ARHGEF28: variants seen among roughly 807,000 people sequenced by gnomAD.
ARHGEF28 encodes the protein Rho guanine nucleotide exchange factor 28.
In ARHGEF28, 152 loss-of-function variants were observed where a neutral mutation model predicts 206.6. The observed-to-expected ratio is 0.74, with a 90% CI of 0.64 to 0.84. The LOEUF is 0.84. Among genes scored for constraint, ARHGEF28 ranks in the 40% least tolerant of loss-of-function variants. ARHGEF28 has a pLI of 0.00. For missense variants in ARHGEF28, 2,028 were observed against 2,073.2 expected, an observed-to-expected ratio of 0.98 and a Z score of 0.42; for synonymous variants, 763 against 776.4, an observed-to-expected ratio of 0.98 and a Z score of 0.29.
chr5:73,742,547 G>A (rs1001297764), intron 2 of ARHGEF28, among the ~76,000 whole-genome samples: 32 of 151,460 alleles, frequency 2.1e-4, no homozygotes, highest in Admixed American at 5.3e-4. Context: ...CTTTCAGGCC[G>A]GGCGCAGTGG....
chr5:73,725,477 T>A (rs1391895374), intron 2 of ARHGEF28, among the ~76,000 whole-genome samples: 1 of 151,780 alleles, frequency 6.6e-6, no homozygotes, highest in Non-Finnish European at 1.5e-5. Context: ...TCAATACCTC[T>A]TAACTGTTAT....
Position 73,752,974 on chromosome 5 carries a change from A to G in ARHGEF28, c.247A>G (p.Thr83Ala). The G allele has an allele frequency of 6.2e-7, 1 of 1,613,846 alleles. No individual in the cohort carries two copies. Among genetic ancestry groups the G allele is most frequent in the Non-Finnish European group, 8.5e-7 (1 of 1,179,822 alleles). ...CTGCTCGGAAGGTTACTCTCCGGTG[A>G]CCATGGGCTCTGGCTCAGTGACCTA... ...CLCSEGYSPVTMGSGSVTYVD... is the reference protein window; with the variant it reads ...CLCSEGYSPVAMGSGSVTYVD... Residue 83 changes from threonine to alanine, a missense_variant, in exon 4 of 36, where the codon ACC (threonine) becomes GCC (alanine). Coordinates refer to ENST00000513042, the MANE Select transcript of ARHGEF28 (RefSeq NM_001177693.2).
Position 73,717,502 on chromosome 5 carries a change from G to A in ARHGEF28, c.34-32335G>A, listed in dbSNP as rs568088371. On this transcript the variant is annotated intron_variant, in intron 2 of 35. Transcript: ENST00000513042. ...TATATAATATGAATATAATATTTGC[G>A]AAAACTGTAATGATTACAATAACTT... Among the ~76,000 whole-genome samples the A allele has an allele frequency of 7.9e-5, 12 of 152,110 alleles. No homozygotes were observed. The South Asian group carries it at 8.3e-4, about 11-fold the overall frequency.
chr5:73,860,038 C>T (rs1759295076), intron 16 of ARHGEF28, among the ~76,000 whole-genome samples: 1 of 152,200 alleles, frequency 6.6e-6, no homozygotes, highest in South Asian at 2.1e-4. Context: ...TCACTGGTTT[C>T]CTGTTTCCAG....
chr5:73,802,900 G>C (rs1755227676), intron 9 of ARHGEF28, among the ~76,000 whole-genome samples: 1 of 151,340 alleles, frequency 6.6e-6, no homozygotes, highest in South Asian at 2.1e-4. Flanking sequence ...GTGTGTGTGT[G>C]TGTGTGTGTG....
intron 2 of ARHGEF28, among the ~76,000 whole-genome samples, chr5:73,734,207 G>C (rs972592368): frequency 6.6e-6 from 1 of 152,096 alleles, no homozygotes; most frequent in Non-Finnish European, 1.5e-5. Context: ...TAAAATGAAG[G>C]CCTGTAGTGT....
At position 73,846,165 on chromosome 5, in the gene ARHGEF28, C is replaced by A. The variant is rs562780057; in HGVS notation, c.1428-103C>A. On this transcript the variant is annotated intron_variant, in intron 11 of 35. Transcript: ENST00000513042. Reference sequence around the variant, plus strand: ...GAAATTAAATGAATACCTATTGCACCCCCCCCGCCCCAGTGAAAGAATCTG... The same window carrying A: ...GAAATTAAATGAATACCTATTGCACACCCCCCGCCCCAGTGAAAGAATCTG... 1.2e-5 allele frequency: 12 copies of A among 1,025,340 alleles called. No homozygotes were observed. In the Admixed American group the frequency reaches 1.4e-4, roughly 12 times the overall value. The allele number at this position is 1,025,340 out of a possible 1,614,324, so 63.5% of individuals were successfully genotyped here.
chr5:73,680,397 T>C (rs1580474573), intron 1 of ARHGEF28, among the ~76,000 whole-genome samples: 1 of 130,900 alleles, frequency 7.6e-6, no homozygotes, highest in South Asian at 2.3e-4. Context: ...ATTGAGCCAC[T>C]GTATTCCAGC....
intron 6 of ARHGEF28, 198 bp from the exon 7 acceptor site, chr5:73,780,478 T>G (rs951937190): frequency 1.2e-5 from 7 of 572,366 alleles, no homozygotes; most frequent in Non-Finnish European, 2.2e-5. Flanking sequence ...GCCCCTGCCT[T>G]GGAGTTTCTC....
intron 1 of ARHGEF28, among the ~76,000 whole-genome samples, chr5:73,682,999 T>C (rs1419432239): frequency 6.6e-6 from 1 of 152,112 alleles, no homozygotes. Context: ...TTTCATTCTC[T>C]TTCATTCAGC....
intron 10 of ARHGEF28, among the ~76,000 whole-genome samples, chr5:73,837,231 A>T (rs1284237175): frequency 6.6e-6 from 1 of 151,974 alleles, no homozygotes; most frequent in African/African-American, 2.4e-5. Context: ...GAGATTAAAT[A>T]GAATCTGTAG....
chr5:73,802,759 A>G (rs1224825591), intron 9 of ARHGEF28, among the ~76,000 whole-genome samples: 1 of 151,836 alleles, frequency 6.6e-6, no homozygotes, highest in Non-Finnish European at 1.5e-5. Flanking sequence ...CCACTAAGGG[A>G]TTTCTTCCCC....
intron 4 of ARHGEF28, among the ~76,000 whole-genome samples, chr5:73,763,067 T>C (rs1399383640): frequency 6.6e-6 from 1 of 152,230 alleles, no homozygotes; most frequent in East Asian, 1.9e-4. Context: ...TGAGTAAGAA[T>C]GAAAGAAGAA....
intron 22 of ARHGEF28, among the ~76,000 whole-genome samples, chr5:73,875,809 T>C (rs1317024835): frequency 6.6e-6 from 1 of 152,228 alleles, no homozygotes; most frequent in Non-Finnish European, 1.5e-5. Context: ...ACCATGCTGT[T>C]TTGGTTACTG....
At chr5:73,688,128 T>G (rs1289623295) in intron 2 of ARHGEF28, among the ~76,000 whole-genome samples, 1 of 152,188 alleles carries the variant, frequency 6.6e-6, no homozygotes, top group Non-Finnish European at 1.5e-5. Context: ...AAAATAACAC[T>G]ATGCATAATT....
chr5:73,839,185 A>G (rs1057161326), intron 10 of ARHGEF28, among the ~76,000 whole-genome samples: 2 of 152,152 alleles, frequency 1.3e-5, no homozygotes, highest in Non-Finnish European at 2.9e-5. Flanking sequence ...CTGTCCCATT[A>G]CTGGTGATTT....
intron 1 of ARHGEF28, among the ~76,000 whole-genome samples, chr5:73,660,880 A>G (rs2112189663): frequency 6.6e-6 from 1 of 152,292 alleles, no homozygotes; most frequent in East Asian, 1.9e-4. Context: ...TATAGAGCAC[A>G]AGCAGAGTAG....
chr5:73,811,590 C>T (rs955439927), intron 9 of ARHGEF28, among the ~76,000 whole-genome samples: 1 of 152,122 alleles, frequency 6.6e-6, no homozygotes, highest in African/African-American at 2.4e-5. Context: ...ATTAAAGATC[C>T]ATATGGACTA....
intron 2 of ARHGEF28, among the ~76,000 whole-genome samples, chr5:73,687,359 G>T (rs1747536845): frequency 6.9e-6 from 1 of 145,526 alleles, no homozygotes; most frequent in Non-Finnish European, 1.5e-5. Context: ...TGATATCTTA[G>T]ATAAAATATA....
Sources: gnomAD v4.1 joint callset for allele counts (sites outside exome capture counted in the v4.1 genomes callset) on GRCh38, gnomAD v4.1.1 for gene constraint, MANE v1.5 for transcripts, NCBI Gene and HGNC (gene_info 2026-07-23, HGNC 2026-07-21) for gene names.